The following SLC16A12 variants were observed in gnomAD, a reference collection of about 807,000 sequenced individuals.
SLC16A12 encodes the protein solute carrier family 16 member 12.
SLC16A12 carries 17 observed loss-of-function variants against 42.4 expected under a neutral mutation model. The observed-to-expected ratio is 0.40, with a 90% CI of 0.27 to 0.60. The LOEUF (loss-of-function observed/expected upper bound fraction) is 0.60. SLC16A12 is among the 20% of genes least tolerant of loss of function. SLC16A12 has a pLI of 0.42. For synonymous variants in SLC16A12, 224 were observed against 229.4 expected, an observed-to-expected ratio of 0.98 and a Z score of 0.21; for missense variants, 544 against 623.0, an observed-to-expected ratio of 0.87 and a Z score of 1.35.
intron 3 of SLC16A12, among the ~76,000 whole-genome samples, chr10:89,453,410 C>A (rs552450793): frequency 1.3e-5 from 2 of 152,322 alleles, no homozygotes; most frequent in East Asian, 3.9e-4. Flanking sequence ...AAAATTCAGA[C>A]ATGTACCACA....
chr10:89,540,001 C>T (rs914007153), upstream of SLC16A12, among the ~76,000 whole-genome samples: 2 of 143,316 alleles, frequency 1.4e-5, no homozygotes, highest in African/African-American at 5.2e-5. Flanking sequence ...TTTCTCTCAC[C>T]CTTCCTTCCT....
chr10:89,527,046 C>G (rs56077075), intron 2 of SLC16A12, among the ~76,000 whole-genome samples: 7,591 of 152,316 alleles, frequency 0.05, 448 homozygotes, highest in East Asian at 0.32. Flanking sequence ...GGCCAAAATC[C>G]ATTAAGATTT....
chr10:89,491,544 G>A (rs1047368173), intron 2 of SLC16A12, among the ~76,000 whole-genome samples: 27 of 150,230 alleles, frequency 1.8e-4, no homozygotes, highest in African/African-American at 6.6e-4. Flanking sequence ...AGAAAGCTGG[G>A]AAAGAAAAAA....
chr10:89,519,541 T>C (rs944508528), intron 2 of SLC16A12, among the ~76,000 whole-genome samples: 8 of 150,336 alleles, frequency 5.3e-5, no homozygotes, highest in Non-Finnish European at 8.9e-5. Context: ...CCTCAGGGAG[T>C]GTATGTGCAC....
intron 2 of SLC16A12, among the ~76,000 whole-genome samples, chr10:89,509,396 T>C (rs1843126675): frequency 6.6e-6 from 1 of 152,210 alleles, no homozygotes; most frequent in Non-Finnish European, 1.5e-5. Context: ...TTATCCGCCA[T>C]GATTAAGTTG....
intron 2 of SLC16A12, among the ~76,000 whole-genome samples, chr10:89,544,182 C>T (rs1317355857): frequency 6.6e-6 from 1 of 152,192 alleles, no homozygotes; most frequent in African/African-American, 2.4e-5. Flanking sequence ...AATACTTTAT[C>T]CCTGAAATCA....
chr10:89,455,145 G>A (rs1842167219), intron 3 of SLC16A12, among the ~76,000 whole-genome samples: 1 of 152,166 alleles, frequency 6.6e-6, no homozygotes, highest in African/African-American at 2.4e-5. Flanking sequence ...TGAAGAAAAT[G>A]AGTGTTACAA....
chr10:89,459,217 C>T (rs898463676), intron 3 of SLC16A12, among the ~76,000 whole-genome samples: 4 of 152,192 alleles, frequency 2.6e-5, no homozygotes, highest in African/African-American at 9.6e-5. Context: ...CATTTATTCC[C>T]TTGATACTAT....
At chr10:89,472,830 T>A (rs1564580870) in intron 2 of SLC16A12, among the ~76,000 whole-genome samples, 2 of 151,850 alleles carry the variant, frequency 1.3e-5, no homozygotes, top group Admixed American at 6.6e-5. Flanking sequence ...TTTTTATTAT[T>A]TTCTTGAGAC....
chr10:89,545,292 C>A (rs888925854), intron 2 of SLC16A12, among the ~76,000 whole-genome samples: 5 of 152,150 alleles, frequency 3.3e-5, no homozygotes, highest in Admixed American at 1.3e-4. Flanking sequence ...GATTGTCATG[C>A]AGCATTATTT....
chr10:89,551,297 G>C (rs1843769029), intron 2 of SLC16A12, among the ~76,000 whole-genome samples: 1 of 152,186 alleles, frequency 6.6e-6, no homozygotes, highest in East Asian at 1.9e-4. Context: ...CTAAAAATTA[G>C]CTAGGTAGGA....
intron 3 of SLC16A12, among the ~76,000 whole-genome samples, chr10:89,456,660 C>G (rs1842195798): frequency 6.6e-6 from 1 of 151,968 alleles, no homozygotes; most frequent in African/African-American, 2.4e-5. Flanking sequence ...AGTATTAAGC[C>G]CAGCATGCAT....
rs1383444455 is a variant in SLC16A12, at chr10:89,438,699, AACACTC to A, written c.927_932del (p.Leu309_Val311delinsPhe). 1.1e-5 allele frequency: 18 copies of A among 1,614,082 alleles called. No homozygotes were observed. Among genetic ancestry groups the A allele is most frequent in the Non-Finnish European group, 1.4e-5 (17 of 1,180,038 alleles). On this transcript the variant is annotated inframe_deletion, in exon 6 of 8. Coordinates refer to ENST00000371790, the MANE Select transcript of SLC16A12 (RefSeq NM_213606.4). ...AAGCAGCTTGCTGATGACTCACTCC[AACACTC>A]AAAGCATAAGGCACCAAGTACACAA... is the stretch of plus-strand genomic sequence containing the variant.
At chr10:89,539,855 ATTTT>A (rs1371427455), upstream of SLC16A12, among the ~76,000 whole-genome samples, 10 of 81,378 alleles carry the variant, frequency 1.2e-4, no homozygotes, top group South Asian at 4.5e-4. Flanking sequence ...CAAGAAACAA[ATTTT>A]TCTTTCTTTC....
intron 2 of SLC16A12, among the ~76,000 whole-genome samples, chr10:89,482,770 T>G (rs1842686123): frequency 2.1e-5 from 3 of 141,108 alleles, no homozygotes; most frequent in South Asian, 2.2e-4. Context: ...GTGACAAGAG[T>G]GAGACCCTGT....
Position 89,439,542 on chromosome 10 carries a change from G to A in SLC16A12, c.449-359C>T, listed in dbSNP as rs565533560. On this transcript the variant is annotated intron_variant, in intron 5 of 7. Transcript: ENST00000371790. The stretch of plus-strand genomic sequence containing the variant: ...TCCATTTTTTAACTTAAATTATCCA[G>A]ACAATTCCCTAAACGCTTCACTGCC... Among the ~76,000 whole-genome samples the A allele has an allele frequency of 1.8e-3, 267 of 152,184 alleles. 1 individual carries two copies. Among genetic ancestry groups the A allele is most frequent in the Non-Finnish European group, 2.6e-3 (174 of 68,016 alleles).
chr10:89,516,330 G>A (rs74805367), intron 2 of SLC16A12, among the ~76,000 whole-genome samples: 8,084 of 152,150 alleles, frequency 0.053, 272 homozygotes, highest in African/African-American at 0.081. Context: ...GTCACCACTC[G>A]GCTACTTCAC....
chr10:89,550,914 T>G (rs1306755902), intron 2 of SLC16A12, among the ~76,000 whole-genome samples: 3 of 152,200 alleles, frequency 2.0e-5, no homozygotes, highest in Non-Finnish European at 2.9e-5. Context: ...AAAAGCTTAG[T>G]GAAACCAAGA....
Position 89,534,643 on chromosome 10 carries a change from GC to G in SLC16A12, c.-186-4del, listed in dbSNP as rs1206300325. On this transcript the variant is annotated splice_region_variant and splice_polypyrimidine_tract_variant and intron_variant, in intron 1 of 7. Coordinates refer to ENST00000371790, the MANE Select transcript of SLC16A12 (RefSeq NM_213606.4). ...GCCAATATGTCGAAATCCTGTATCTGCAAAAAAAAAAAAAAAAAAAAAAAAA... is the reference window on the plus strand; with the variant it reads ...GCCAATATGTCGAAATCCTGTATCTGAAAAAAAAAAAAAAAAAAAAAAAAA... 0.01 allele frequency: 160 copies of G among 15,550 alleles called. 1 individual carries two copies. The highest frequency in any genetic ancestry group is 0.068 in the African/African-American group (125 of 1,844). 1.0% of individuals were successfully genotyped at this position (15,550 alleles called of 1,614,324 possible). A position where few individuals can be genotyped will look rare whatever the true frequency, so the allele number is the denominator to read the frequency against.
Sources: gnomAD v4.1 joint callset for allele counts (sites outside exome capture counted in the v4.1 genomes callset) on GRCh38, gnomAD v4.1.1 for gene constraint, MANE v1.5 for transcripts, NCBI Gene and HGNC (gene_info 2026-07-23, HGNC 2026-07-21) for gene names.